The following PIANP variants were observed in gnomAD, a reference collection of about 807,000 sequenced individuals.
The protein encoded by PIANP is PILR alpha associated neural protein.
A neutral mutation model predicts 28.9 loss-of-function variants in PIANP; 14 were observed. That is an observed-to-expected ratio of 0.49 (90% CI 0.32 to 0.76). The LOEUF is 0.76. PIANP is among the 30% of genes least tolerant of loss of function. PIANP has a pLI of 0.03. For missense variants in PIANP, 322 were observed against 371.8 expected, an observed-to-expected ratio of 0.87 and a Z score of 1.10; for synonymous variants, 149 against 156.6, an observed-to-expected ratio of 0.95 and a Z score of 0.36.
At chr12:6,692,747 C>T (rs1959728935), downstream of PIANP, among the ~76,000 whole-genome samples, 2 of 152,158 alleles carry the variant, frequency 1.3e-5, no homozygotes, top group African/African-American at 4.8e-5. Flanking sequence ...CCTGAATGCA[C>T]ACACTGCTCT....
In PIANP at chr12:6,696,351, A is replaced by G. The variant is rs1265797472; in HGVS notation, c.605+92T>C. 2.4e-6 allele frequency: 2 copies of G among 844,570 alleles called. No homozygotes were observed. The highest frequency in any genetic ancestry group is 3.5e-6 in the Non-Finnish European group (2 of 573,722). The allele number at this position is 844,570 out of a possible 1,614,324, so 52.3% of individuals were successfully genotyped here. On this transcript the variant is annotated intron_variant, in intron 4 of 4. Coordinates refer to ENST00000534837, the MANE Select transcript of PIANP (RefSeq NM_001244014.2). The surrounding 1 kb of genome is among the most constrained non-coding windows in gnomAD (Gnocchi z 4.0). ...ATCCAGCATTTCCCACCCACCCCCC[A>G]GCAAAATTGCTGCCACTGCCCCTCG...
intron 1 of PIANP, among the ~76,000 whole-genome samples, chr12:6,699,267 G>T (rs1959976133): frequency 6.6e-6 from 1 of 152,066 alleles, no homozygotes; most frequent in Non-Finnish European, 1.5e-5. Context: ...AAATAAATCT[G>T]CCCATTGAAT....
Position 6,695,137 on chromosome 12 carries a change from G to T in PIANP, c.*289C>A. On this transcript the variant is annotated 3_prime_UTR_variant, in exon 5 of 5. Transcript: ENST00000534837. The surrounding 1 kb of genome is among the most constrained non-coding windows in gnomAD (Gnocchi z 4.2). Reference sequence around the variant, plus strand: ...AAGGGGAAGTTCAAGACAAAGAGGGGGAATCAAGGTTAAGAGGGCAGAGTT... The same window carrying T: ...AAGGGGAAGTTCAAGACAAAGAGGGTGAATCAAGGTTAAGAGGGCAGAGTT... 1 of 1,518,604 alleles carries T rather than the reference G, an allele frequency of 6.6e-7. No individual in the cohort carries two copies. Among genetic ancestry groups the T allele is most frequent in the Non-Finnish European group, 8.8e-7 (1 of 1,130,828 alleles). The allele number at this position is 1,518,604 out of a possible 1,614,324, so 94.1% of individuals were successfully genotyped here.
In PIANP at chr12:6,694,706, T is replaced by G; in HGVS notation, c.*720A>C. On this transcript the variant is annotated 3_prime_UTR_variant, in exon 5 of 5. Transcript: ENST00000534837. The surrounding 1 kb of genome is among the most constrained non-coding windows in gnomAD (Gnocchi z 6.1). Reference sequence around the variant, plus strand: ...AATGTGAGACGAGAGAACATGAGAGTCAGCTGAGCGGAGCGGTATGGACGG... The same window carrying G: ...AATGTGAGACGAGAGAACATGAGAGGCAGCTGAGCGGAGCGGTATGGACGG... 3.3e-6 allele frequency: 1 copy of G among 300,164 alleles called. No homozygotes were observed. Among genetic ancestry groups the G allele is most frequent in the Admixed American group, 5.0e-5 (1 of 20,070 alleles). 18.6% of individuals were successfully genotyped at this position (300,164 alleles called of 1,614,324 possible).
intron 1 of PIANP, 25 bp from the exon 2 acceptor site, chr12:6,698,129 A>T (rs1327566199): frequency 6.6e-7 from 1 of 1,508,700 alleles, no homozygotes; most frequent in Non-Finnish European, 9.0e-7. Flanking sequence ...GGGCCGTCAC[A>T]CCCCAGCCCT....
At chr12:6,692,783 C>G (rs1358954594), downstream of PIANP, among the ~76,000 whole-genome samples, 1 of 152,176 alleles carries the variant, frequency 6.6e-6, no homozygotes, top group East Asian at 1.9e-4. Flanking sequence ...ACTGCCTCTT[C>G]CTGGCACTCA....
In PIANP at chr12:6,697,387, T is replaced by C; in HGVS notation, c.423A>G (p.Pro141=). The change falls in exon 3 of 5, where the codon CCA becomes CCG. Residue 141 remains proline (P), a synonymous_variant. Coordinates refer to ENST00000534837, the MANE Select transcript of PIANP (RefSeq NM_001244014.2). The surrounding 1 kb of genome is among the most constrained non-coding windows in gnomAD (Gnocchi z 6.9). ...CTCGCATGGAGTCTGAGTTGGGGTG[T>C]GGGGTTGCGAGCCCATGAGGGGCTG... ...GFAAPHGLAT[P]HPNSDSMRGD... is the part of the protein sequence containing the mutation. 1 of 1,613,998 alleles carries C rather than the reference T, an allele frequency of 6.2e-7. No individual in the cohort carries two copies.
Position 6,698,087 on chromosome 12 carries a change from C to A in PIANP, c.-26G>T. 1 of 1,562,728 alleles carries A rather than the reference C, an allele frequency of 6.4e-7. No homozygotes were observed. Among genetic ancestry groups the A allele is most frequent in the South Asian group, 1.2e-5 (1 of 85,018 alleles). ...GTCTGAGGTCTTCCTCAGCTGTGAC[C>A]CAGATTTTCAGCCTTTACTGGGAGA... On this transcript the variant is annotated 5_prime_UTR_variant, in exon 2 of 5. Coordinates refer to ENST00000534837, the MANE Select transcript of PIANP (RefSeq NM_001244014.2).
chr12:6,695,459 G>A lies in PIANP; in HGVS notation c.798C>T (p.Pro266=). The A allele has an allele frequency of 6.6e-7, 1 of 1,509,726 alleles. No homozygotes were observed. The highest frequency in any genetic ancestry group is 2.4e-5 in the East Asian group (1 of 41,162). The allele number at this position is 1,509,726 out of a possible 1,614,324, so 93.5% of individuals were successfully genotyped here. Residue 266 remains proline, a synonymous_variant, in exon 5 of 5, where the codon CCC becomes CCT. Transcript: ENST00000534837. This position sits in a 1 kb window ranked among gnomAD's most constrained non-coding sequence, Gnocchi z 4.2. Reference sequence around the variant, plus strand: ...TCAACTGGAAGGCTGGAGCCCCCTTGGGGTGGGGCATCCCAGGCCGGGGTC... The same window carrying A: ...TCAACTGGAAGGCTGGAGCCCCCTTAGGGTGGGGCATCCCAGGCCGGGGTC... ...RGGPRPGMPH[P]KGAPAFQLNR is the part of the protein sequence containing the mutation.
At position 6,694,317 on chromosome 12, in the gene PIANP, C is replaced by T. The variant is rs1194904577; in HGVS notation, c.*1109G>A. On this transcript the variant is annotated 3_prime_UTR_variant, in exon 5 of 5. Coordinates refer to ENST00000534837, the MANE Select transcript of PIANP (RefSeq NM_001244014.2). This position sits in a 1 kb window ranked among gnomAD's most constrained non-coding sequence, Gnocchi z 6.1. ...TCCCCAAAACCCATCTGTCAGAAAA[C>T]AGATTTTAGCAGTGGGCTGGGGGTG... 6.5e-6 allele frequency: 1 copy of T among 152,726 alleles called. No homozygotes were observed. The highest frequency in any genetic ancestry group is 1.5e-5 in the Non-Finnish European group (1 of 68,084). The allele number at this position is 152,726 out of a possible 1,614,324, so 9.5% of individuals were successfully genotyped here. A position where few individuals can be genotyped will look rare whatever the true frequency, so the allele number is the denominator to read the frequency against.
chr12:6,697,895 C>T lies in PIANP; in HGVS notation c.18-103G>A. ...AAACCTCCAGGTTTCCCTGTGAAAGCAGGTGGGCCTTGGGAAGACTCGCCT... is the reference window on the plus strand; with the variant it reads ...AAACCTCCAGGTTTCCCTGTGAAAGTAGGTGGGCCTTGGGAAGACTCGCCT... On this transcript the variant is annotated intron_variant, in intron 2 of 4. Coordinates refer to ENST00000534837, the MANE Select transcript of PIANP (RefSeq NM_001244014.2). The surrounding 1 kb of genome is among the most constrained non-coding windows in gnomAD (Gnocchi z 6.9). 1.3e-6 allele frequency: 2 copies of T among 1,507,916 alleles called. No individual in the cohort carries two copies. The highest frequency in any genetic ancestry group is 1.3e-5 in the South Asian group (1 of 78,572). The allele number at this position is 1,507,916 out of a possible 1,614,324, so 93.4% of individuals were successfully genotyped here.
chr12:6,694,788 G>A lies in PIANP; in HGVS notation c.*638C>T. On this transcript the variant is annotated 3_prime_UTR_variant, in exon 5 of 5. Transcript: ENST00000534837. The surrounding 1 kb of genome is among the most constrained non-coding windows in gnomAD (Gnocchi z 6.1). Reference sequence around the variant, plus strand: ...TGTGAAGGTGGAGGTGAGTGTGCAAGGCTTTCATGTGAGTGCACAAGGGTG... The same window carrying A: ...TGTGAAGGTGGAGGTGAGTGTGCAAAGCTTTCATGTGAGTGCACAAGGGTG... The A allele has an allele frequency of 2.1e-6, 1 of 479,506 alleles. No homozygotes were observed. Among genetic ancestry groups the A allele is most frequent in the Non-Finnish European group, 3.7e-6 (1 of 267,844 alleles). 29.7% of individuals were successfully genotyped at this position (479,506 alleles called of 1,614,324 possible).
Position 6,698,110 on chromosome 12 carries a change from A to G in PIANP, c.-43-6T>C, listed in dbSNP as rs1335144716. The G allele has an allele frequency of 1.3e-6, 2 of 1,551,032 alleles. No homozygotes were observed. The highest frequency in any genetic ancestry group is 1.9e-5 in the Admixed American group (1 of 51,580). On this transcript the variant is annotated splice_region_variant and splice_polypyrimidine_tract_variant and intron_variant, in intron 1 of 4. Transcript: ENST00000534837. Reference sequence around the variant, plus strand: ...ACCCAGATTTTCAGCCTTTACTGGGAGAAAAAGGGGGCCGTCACACCCCAG... The same window carrying G: ...ACCCAGATTTTCAGCCTTTACTGGGGGAAAAAGGGGGCCGTCACACCCCAG...
Position 6,697,355 on chromosome 12 carries a change from C to T in PIANP, c.455G>A (p.Gly152Glu), listed in dbSNP as rs1249313127. The change falls in exon 3 of 5, where the codon GGA becomes GAA. Residue 152 changes from glycine (G) to glutamate (E), a missense_variant. Gly to Glu is a moderately conservative substitution (Grantham distance 98). Transcript: ENST00000534837. The surrounding 1 kb of genome is among the most constrained non-coding windows in gnomAD (Gnocchi z 6.9). Reference sequence around the variant, plus strand: ...TGCCTCTCCAAGGATAAGCCCATCTCCATCACCTCGCATGGAGTCTGAGTT... The same window carrying T: ...TGCCTCTCCAAGGATAAGCCCATCTTCATCACCTCGCATGGAGTCTGAGTT... The part of the protein sequence containing the change: ...HPNSDSMRGD[G>E]DGLILGEAPA... 1.2e-6 allele frequency: 2 copies of T among 1,614,052 alleles called. No individual in the cohort carries two copies. The highest frequency in any genetic ancestry group is 1.7e-5 in the Admixed American group (1 of 60,028).
Position 6,697,464 on chromosome 12 carries a change from C to T in PIANP, c.346G>A (p.Asp116Asn). ...TTGGCAGAGTTGGGGTCCCCTCCAT[C>T]CTCTCGAGACACGGTGGGACCCCAC... ...IVWGPTVSRE[D>N]GGDPNSANPG... Residue 116 changes from aspartate (D) to asparagine (N), a missense_variant, in exon 3 of 5, where the codon GAT becomes AAT. Transcript: ENST00000534837. This position sits in a 1 kb window ranked among gnomAD's most constrained non-coding sequence, Gnocchi z 6.9. 6.2e-7 allele frequency: 1 copy of T among 1,614,050 alleles called. No individual in the cohort carries two copies. Among genetic ancestry groups the T allele is most frequent in the Non-Finnish European group, 8.5e-7 (1 of 1,179,902 alleles).
rs1444788248 is a variant in PIANP at position 6,696,975 on chromosome 12, CAA to C, written c.523+310_523+311del. On this transcript the variant is annotated intron_variant, in intron 3 of 4. Transcript: ENST00000534837. The surrounding 1 kb of genome is among the most constrained non-coding windows in gnomAD (Gnocchi z 4.0). ...CCCACTCTCTTTTCAAGGGCCAGCT[CAA>C]ATGTCAGTTCTCTGAAGGTGTCCTG... Among the ~76,000 whole-genome samples the C allele has an allele frequency of 6.6e-6, 1 of 152,190 alleles. No individual in the cohort carries two copies. The highest frequency in any genetic ancestry group is 1.5e-5 in the Non-Finnish European group (1 of 68,050).
chr12:6,697,835 TG>T lies in PIANP; in HGVS notation c.18-44del. 6.7e-7 allele frequency: 1 copy of T among 1,500,878 alleles called. No individual in the cohort carries two copies. The highest frequency in any genetic ancestry group is 8.9e-7 in the Non-Finnish European group (1 of 1,125,300). 93.0% of individuals were successfully genotyped at this position (1,500,878 alleles called of 1,614,324 possible). ...GCGTGGCTGAGACACAGGCCTACTGTGGGCCTATGTGAGGGAGGGACAGGTT... is the reference window on the plus strand; with the variant it reads ...GCGTGGCTGAGACACAGGCCTACTGTGGCCTATGTGAGGGAGGGACAGGTT... On this transcript the variant is annotated intron_variant, in intron 2 of 4. Transcript: ENST00000534837. The surrounding 1 kb of genome is among the most constrained non-coding windows in gnomAD (Gnocchi z 6.9).
chr12:6,697,311 A>G lies in PIANP; in HGVS notation c.499T>C (p.Phe167Leu), dbSNP rs1334958937. ...LGEAPATLRP[F>L]LFGGRGEGVD... ...CCTTCCCCACGGCCCCCGAACAGGA[A>G]TGGCCGCAGGGTGGCAGGTGCCTCT... The change falls in exon 3 of 5, where the codon TTC becomes CTC. Residue 167 changes from phenylalanine (F) to leucine (L), a missense_variant. Physicochemically the swap from Phe to Leu is conservative, Grantham distance 22. Transcript: ENST00000534837. The surrounding 1 kb of genome is among the most constrained non-coding windows in gnomAD (Gnocchi z 6.9). 6.8e-6 allele frequency: 11 copies of G among 1,613,796 alleles called. No individual in the cohort carries two copies. Among genetic ancestry groups the G allele is most frequent in the Non-Finnish European group, 9.3e-6 (11 of 1,179,854 alleles).
Position 6,696,449 on chromosome 12 carries a change from T to G in PIANP, c.599A>C (p.Lys200Thr). The G allele has an allele frequency of 6.3e-7, 1 of 1,597,012 alleles. No individual in the cohort carries two copies. Among genetic ancestry groups the G allele is most frequent in the Non-Finnish European group, 8.5e-7 (1 of 1,172,018 alleles). ...CTTCCTCCTCCCAGCTTACCAGAAC[T>G]TGAAGATGATGCCAGTGGCCACGAG... ...IVLVATGIIF[K>T]FCWDRSQKRR... is the part of the protein sequence containing the mutation. Residue 200 changes from lysine (K) to threonine (T), a missense_variant, in exon 4 of 5, where the codon AAG (lysine) becomes ACG (threonine). Coordinates refer to ENST00000534837, the MANE Select transcript of PIANP (RefSeq NM_001244014.2). The surrounding 1 kb of genome is among the most constrained non-coding windows in gnomAD (Gnocchi z 4.0).
Sources: gnomAD v4.1 joint callset for allele counts (sites outside exome capture counted in the v4.1 genomes callset) on GRCh38, gnomAD v4.1.1 for gene constraint, Gnocchi (gnomAD v3.1) non-coding constraint, MANE v1.5 for transcripts, NCBI Gene and HGNC (gene_info 2026-07-23, HGNC 2026-07-21) for gene names.